Variants in TMEM266 observed in about 807,000 individuals in gnomAD.
TMEM266 encodes Hv1 related protein 1.
Under a neutral mutation model 50.5 loss-of-function variants are expected in TMEM266, and 33 were observed. That is an observed-to-expected ratio of 0.65 (90% CI 0.50 to 0.87). The LOEUF (loss-of-function observed/expected upper bound fraction) is 0.87, where lower values mean the gene tolerates loss of function less well. Among genes scored for constraint, TMEM266 ranks in the 40% least tolerant of loss-of-function variants. The pLI is 0.00. For synonymous variants in TMEM266, 310 were observed against 292.3 expected (o/e 1.06, Z -0.62); for missense variants, 655 against 695.1 (o/e 0.94, Z 0.65).
At chr15:76,066,015 C>A (rs1353840358) in intron 1 of TMEM266, among the ~76,000 whole-genome samples, 1 of 152,230 alleles carries the variant, frequency 6.6e-6, no homozygotes, top group Non-Finnish European at 1.5e-5. Context: ...TAGCAGAAGA[C>A]AGCCTCCCTT....
At position 76,174,595 on chromosome 15, in the gene TMEM266, G is replaced by A. The variant is rs1042437277; in HGVS notation, c.653-964G>A. Among the ~76,000 whole-genome samples, 10 of 152,274 alleles carry A rather than the reference G, an allele frequency of 6.6e-5. 1 individual carries two copies. Among genetic ancestry groups the A allele is most frequent in the South Asian group, 6.2e-4 (3 of 4,824 alleles). On this transcript the variant is annotated intron_variant, in intron 7 of 10. Coordinates refer to ENST00000388942, the MANE Select transcript of TMEM266 (RefSeq NM_152335.3). ...TGGTTTCTAGTATATTCAGAGTTCTGCAGCCATCACCAAAAAATCTAAGTC... is the reference window on the plus strand; with the variant it reads ...TGGTTTCTAGTATATTCAGAGTTCTACAGCCATCACCAAAAAATCTAAGTC...
At chr15:76,068,914 G>T (rs565093845) in intron 1 of TMEM266, among the ~76,000 whole-genome samples, 23 of 152,304 alleles carry the variant, frequency 1.5e-4, no homozygotes, top group Non-Finnish European at 1.3e-4. Flanking sequence ...CTAATGAGTG[G>T]CAGGGCTGGA....
intron 10 of TMEM266, 23 bp downstream of exon 10, chr15:76,202,287 C>T: frequency 6.3e-7 from 1 of 1,598,068 alleles, no homozygotes; most frequent in South Asian, 1.1e-5. Context: ...TGGGGCTGTT[C>T]TACATGTGCC....
chr15:76,143,469 C>T (rs886527275), intron 3 of TMEM266, among the ~76,000 whole-genome samples: 13 of 152,334 alleles, frequency 8.5e-5, no homozygotes, highest in Non-Finnish European at 8.8e-5. Flanking sequence ...CTCCCTCCCT[C>T]TCCAGCCTCC....
At chr15:76,121,604 G>A (rs2955768) in intron 1 of TMEM266, among the ~76,000 whole-genome samples, 10,792 of 151,946 alleles carry the variant, frequency 0.071, 1,245 homozygotes, top group African/African-American at 0.24. Context: ...TTTAGTAGAG[G>A]TGGGGTTTCA....
At position 76,185,041 on chromosome 15, in the gene TMEM266, G is replaced by A. The variant is rs114767665; in HGVS notation, c.769-6927G>A. ...GCCCGTGTGAGCCCTGGGGAGCCCC[G>A]TCCTGTTGTGTTTCTTCCTGTTTTC... On this transcript the variant is annotated intron_variant, in intron 8 of 10. Coordinates refer to ENST00000388942, the MANE Select transcript of TMEM266 (RefSeq NM_152335.3). Among the ~76,000 whole-genome samples, 717 of 152,260 alleles carry A rather than the reference G, an allele frequency of 4.7e-3. 3 individuals carry two copies. The highest frequency in any genetic ancestry group is 0.017 in the African/African-American group (694 of 41,548).
At chr15:76,188,560 G>A (rs1380149615) in intron 8 of TMEM266, among the ~76,000 whole-genome samples, 2 of 152,164 alleles carry the variant, frequency 1.3e-5, no homozygotes, top group East Asian at 3.9e-4. Context: ...CCGAGATGAT[G>A]CCATTTACTC....
chr15:76,140,721 CT>C (rs1352094688), intron 3 of TMEM266, among the ~76,000 whole-genome samples: 2 of 152,088 alleles, frequency 1.3e-5, no homozygotes, highest in African/African-American at 4.8e-5. Context: ...GTACAAGGAA[CT>C]TGTGGAAGGT....
chr15:76,186,485 G>A (rs1164185686), intron 8 of TMEM266, among the ~76,000 whole-genome samples: 1 of 152,160 alleles, frequency 6.6e-6, no homozygotes, highest in Non-Finnish European at 1.5e-5. Context: ...GGGCAAGATG[G>A]ACAGCTTCCA....
At chr15:76,118,828 G>T (rs1194046954) in intron 1 of TMEM266, among the ~76,000 whole-genome samples, 1 of 152,230 alleles carries the variant, frequency 6.6e-6, no homozygotes, top group Non-Finnish European at 1.5e-5. Flanking sequence ...TCACGTAGTA[G>T]CATCATGCAG....
chr15:76,103,263 G>A (rs1405248182), intron 1 of TMEM266, among the ~76,000 whole-genome samples: 1 of 152,048 alleles, frequency 6.6e-6, no homozygotes, highest in African/African-American at 2.4e-5. Context: ...AGCATTTTGG[G>A]AGGCCAAGGC....
At chr15:76,080,818 C>T (rs1271849803) in intron 1 of TMEM266, among the ~76,000 whole-genome samples, 2 of 152,104 alleles carry the variant, frequency 1.3e-5, no homozygotes, top group South Asian at 2.1e-4. Context: ...ATGATGATAG[C>T]TCACTGCAGC....
At chr15:76,148,299 G>T (rs982955449) in intron 3 of TMEM266, among the ~76,000 whole-genome samples, 1 of 152,178 alleles carries the variant, frequency 6.6e-6, no homozygotes, top group African/African-American at 2.4e-5. Flanking sequence ...GGGAGATCAT[G>T]GCTGACCCAG....
intron 1 of TMEM266, among the ~76,000 whole-genome samples, chr15:76,082,992 A>AACC (rs2036718038): frequency 6.6e-6 from 1 of 151,500 alleles, no homozygotes; most frequent in African/African-American, 2.4e-5. Flanking sequence ...CAACAACAAC[A>AACC]ACAACCAGCT....
intron 1 of TMEM266, among the ~76,000 whole-genome samples, chr15:76,106,245 A>G (rs1211815347): frequency 6.6e-6 from 1 of 152,174 alleles, no homozygotes; most frequent in Non-Finnish European, 1.5e-5. Context: ...AGGAGCTCAC[A>G]GTCTGGTACA....
At chr15:76,191,717 C>A (rs2038573170) in intron 8 of TMEM266, 1 of 447,216 alleles carries the variant, frequency 2.2e-6, no homozygotes, top group South Asian at 4.1e-5. Flanking sequence ...TCCCGGGCAT[C>A]CGTGAGATGG....
chr15:76,167,773 T>C (rs2038119814), intron 5 of TMEM266, among the ~76,000 whole-genome samples: 1 of 152,070 alleles, frequency 6.6e-6, no homozygotes. Flanking sequence ...AGTGCTGAGA[T>C]TACAGGTGTG....
intron 9 of TMEM266, among the ~76,000 whole-genome samples, 168 bp from the exon 10 acceptor site, chr15:76,202,034 G>A (rs1437907569): frequency 6.6e-6 from 1 of 152,218 alleles, no homozygotes; most frequent in Non-Finnish European, 1.5e-5. Context: ...CCTGGGGCAG[G>A]TGAGACAGGT....
At chr15:76,108,892 A>G (rs1240527574) in intron 1 of TMEM266, 1 of 152,180 alleles carries the variant, frequency 6.6e-6, no homozygotes, top group Non-Finnish European at 1.5e-5. Flanking sequence ...AGTAATAACT[A>G]TGGTACTAAC....
Sources: allele counts gnomAD v4.1 joint callset (sites outside exome capture counted in the v4.1 genomes callset), GRCh38; gene constraint gnomAD v4.1.1; transcripts MANE v1.5; gene names NCBI Gene and HGNC (gene_info 2026-07-23, HGNC 2026-07-21).